C11orf65: variants seen among roughly 807,000 people sequenced by gnomAD.
C11orf65 encodes the protein chromosome 11 open reading frame 65.
In C11orf65, 38 loss-of-function variants were observed where a neutral mutation model predicts 35.3. The observed-to-expected ratio is 1.08, with a 90% CI of 0.83 to 1.41. The LOEUF is 1.41. Among genes scored for constraint, C11orf65 ranks in the 40% most tolerant of loss-of-function variants. The pLI is 0.00. For synonymous variants in C11orf65, 105 were observed against 114.4 expected (o/e 0.92, Z 0.53); for missense variants, 370 against 367.1 (o/e 1.01, Z -0.06).
At chr11:108,377,928 T>C (rs920038377), downstream of C11orf65, among the ~76,000 whole-genome samples, 1 of 151,800 alleles carries the variant, frequency 6.6e-6, no homozygotes, top group African/African-American at 2.4e-5. Flanking sequence ...TTACAAGGGA[T>C]GTGAAGGACC....
intron 2 of C11orf65, chr11:108,367,572 C>T (rs1271290545): frequency 4.8e-6 from 1 of 206,548 alleles, no homozygotes; most frequent in Non-Finnish European, 9.9e-6. Context: ...ATGTTCATCC[C>T]AGCTGCGGAG....
chr11:108,415,201 A>C (rs1301137017), intron 3 of C11orf65, among the ~76,000 whole-genome samples: 5 of 152,160 alleles, frequency 3.3e-5, no homozygotes, highest in Admixed American at 3.3e-4. Flanking sequence ...CAGATTGAGA[A>C]GGGAGAAAAA....
intron 1 of C11orf65, among the ~76,000 whole-genome samples, chr11:108,462,361 G>A (rs756785312): frequency 2.6e-5 from 4 of 152,180 alleles, no homozygotes; most frequent in Non-Finnish European, 4.4e-5. Flanking sequence ...GCAATTATTG[G>A]TGATTTAATA....
rs116081491 is a variant in C11orf65 at position 108,411,936 on chromosome 11, T to G, written c.175-4787A>C. On this transcript the variant is annotated intron_variant, in intron 3 of 8. Coordinates refer to ENST00000393084, the MANE Select transcript of C11orf65 (RefSeq NM_152587.5). The stretch of plus-strand genomic sequence containing the variant: ...CAAGTAACTGGGATTTACTTTTGCC[T>G]GACTAAATTTTGTATTTTTAGTAGA... Among the ~76,000 whole-genome samples, 1,205 of 151,986 alleles carry G rather than the reference T, an allele frequency of 7.9e-3. 9 individuals carry two copies. Among genetic ancestry groups the G allele is most frequent in the African/African-American group, 0.025 (1,030 of 41,480 alleles).
downstream of C11orf65, chr11:108,329,247 G>C (rs2136425012): frequency 6.2e-7 from 1 of 1,602,076 alleles, no homozygotes. Context: ...AGGTAACTAG[G>C]TTTCTACAAG....
intron 2 of C11orf65, among the ~76,000 whole-genome samples, chr11:108,443,468 A>T (rs1454872907): frequency 6.6e-6 from 1 of 152,196 alleles, no homozygotes; most frequent in Non-Finnish European, 1.5e-5. Context: ...CTCTGCACCA[A>T]GCAGACCTCA....
At chr11:108,365,713 T>A (rs147355837) in intron 2 of C11orf65, 1 of 687,360 alleles carries the variant, frequency 1.5e-6, no homozygotes, top group Admixed American at 2.9e-5. Context: ...TTTCACTCTT[T>A]AGAAATAATG....
chr11:108,444,017 C>T (rs1045503606), intron 2 of C11orf65, among the ~76,000 whole-genome samples: 4 of 152,032 alleles, frequency 2.6e-5, no homozygotes, highest in African/African-American at 9.7e-5. Context: ...TTCAAAAAAT[C>T]AATGAATCCA....
Position 108,352,964 on chromosome 11 carries a change from G to A in C11orf65, c.227-17672C>T, listed in dbSNP as rs960233027. Among the ~76,000 whole-genome samples, 5 of 152,040 alleles carry A rather than the reference G, an allele frequency of 3.3e-5. 1 individual carries two copies. Among genetic ancestry groups the A allele is most frequent in the Admixed American group, 2.0e-4 (3 of 15,250 alleles). On this transcript the variant is annotated intron_variant, in intron 2 of 3. Coordinates refer to the C11orf65 transcript ENST00000524755. Reference sequence around the variant, plus strand: ...CTATGGGAGGGAAATAGGTGCAGCCGTAAAGGGCAGTATGAAGGATCCTTA... The same window carrying A: ...CTATGGGAGGGAAATAGGTGCAGCCATAAAGGGCAGTATGAAGGATCCTTA...
chr11:108,317,637 A>C (rs2084826899), intron 6 of C11orf65: 1 of 177,524 alleles, frequency 5.6e-6, no homozygotes, highest in African/African-American at 3.5e-5. Context: ...ATATATATAT[A>C]TATATATATA....
intron 3 of C11orf65, among the ~76,000 whole-genome samples, chr11:108,416,240 A>C (rs1044475455): frequency 5.3e-5 from 8 of 152,238 alleles, no homozygotes; most frequent in African/African-American, 1.9e-4. Context: ...AGAACTCTTT[A>C]ACCTTCACTA....
At chr11:108,351,391 G>A (rs1034460036) in intron 2 of C11orf65, among the ~76,000 whole-genome samples, 11 of 152,108 alleles carry the variant, frequency 7.2e-5, no homozygotes, top group Non-Finnish European at 1.2e-4. Flanking sequence ...ATGTCTGTTT[G>A]GTTACCTGTT....
chr11:108,345,179 T>C (rs1335303184), intron 2 of C11orf65, among the ~76,000 whole-genome samples: 1 of 152,154 alleles, frequency 6.6e-6, no homozygotes, highest in East Asian at 1.9e-4. Flanking sequence ...AGATGCTGAA[T>C]GGGCAGCTTG....
rs1419454989 is a variant in C11orf65 at position 108,392,140 on chromosome 11, T to C, written c.731+1068A>G. Among the ~76,000 whole-genome samples the C allele has an allele frequency of 2.6e-5, 4 of 152,202 alleles. No individual in the cohort carries two copies. In the East Asian group the frequency reaches 7.7e-4, roughly 29 times the overall value. Reference sequence around the variant, plus strand: ...ATGGCTCACTACAGCATCTACGTCCTGGCTCAAGAGAACCTCTTACCTCAG... The same window carrying C: ...ATGGCTCACTACAGCATCTACGTCCCGGCTCAAGAGAACCTCTTACCTCAG... On this transcript the variant is annotated intron_variant, in intron 7 of 8. Coordinates refer to ENST00000393084, the MANE Select transcript of C11orf65 (RefSeq NM_152587.5).
chr11:108,457,900 ATCTAGAATCAAGATGCTGTG>A (rs1565726949), intron 2 of C11orf65, among the ~76,000 whole-genome samples: 2 of 152,104 alleles, frequency 1.3e-5, no homozygotes, highest in African/African-American at 2.4e-5. Flanking sequence ...ACTTGACTGT[ATCTAGAATCAAGATGCTGTG>A]TCTAGAATCA....
chr11:108,388,697 C>T (rs566964292), intron 7 of C11orf65, among the ~76,000 whole-genome samples: 1 of 152,150 alleles, frequency 6.6e-6, no homozygotes, highest in Non-Finnish European at 1.5e-5. Context: ...GTTTGAAAAA[C>T]GTGATGATCC....
intron 2 of C11orf65, among the ~76,000 whole-genome samples, chr11:108,447,687 G>C (rs1263287781): frequency 1.3e-5 from 2 of 152,004 alleles, no homozygotes; most frequent in African/African-American, 2.4e-5. Flanking sequence ...AAGCAGGAAA[G>C]ATCCAAAATT....
chr11:108,379,877 T>A (rs2091830511), downstream of C11orf65, among the ~76,000 whole-genome samples: 1 of 152,104 alleles, frequency 6.6e-6, no homozygotes, highest in African/African-American at 2.4e-5. Flanking sequence ...TGGATATAAT[T>A]TCTCAAAAAG....
rs571540507 is a variant in C11orf65, at chr11:108,315,132, C to A, written c.641-6061G>T. Among the ~76,000 whole-genome samples, 6 of 152,284 alleles carry A rather than the reference C, an allele frequency of 3.9e-5. No homozygotes were observed. In the South Asian group the frequency reaches 6.2e-4, roughly 16 times the overall value. On this transcript the variant is annotated intron_variant, in intron 6 of 6. Transcript: ENST00000525729. The stretch of plus-strand genomic sequence containing the variant: ...AGAGATTACTTTTCATTTCTGGATA[C>A]AATTTACTAGAGAAATGAACTGCTC...
Sources: gnomAD v4.1 joint callset for allele counts (sites outside exome capture counted in the v4.1 genomes callset) on GRCh38, gnomAD v4.1.1 for gene constraint, MANE v1.5 for transcripts, NCBI Gene and HGNC (gene_info 2026-07-23, HGNC 2026-07-21) for gene names.